Variants in GDA observed in about 807,000 individuals in gnomAD.
GDA encodes the protein guanine deaminase.
In GDA, 18 loss-of-function variants were observed where a neutral mutation model predicts 59.6. That is an observed-to-expected ratio of 0.30 (90% CI 0.21 to 0.45). The LOEUF is 0.45. Ranked by LOEUF, GDA falls within the 20% of genes least tolerant of loss-of-function variation. The pLI is 1.00. For missense variants in GDA, 427 were observed against 552.3 expected (o/e 0.77, Z 2.27); for synonymous variants, 201 against 201.1 (o/e 1.00, Z 0.00).
intron 1 of GDA, among the ~76,000 whole-genome samples, chr9:72,190,349 A>T (rs1436135685): frequency 1.3e-5 from 2 of 152,098 alleles, no homozygotes; most frequent in Non-Finnish European, 2.9e-5. Context: ...CTGGTCTCGA[A>T]TTCCTGACCT....
intron 1 of GDA, among the ~76,000 whole-genome samples, chr9:72,156,418 C>T (rs1242413350): frequency 6.6e-6 from 1 of 152,168 alleles, no homozygotes; most frequent in African/African-American, 2.4e-5. Context: ...CCTCCACTTC[C>T]TGCCAAGCTC....
chr9:72,217,779 T>C (rs1387797691), intron 5 of GDA, among the ~76,000 whole-genome samples: 1 of 152,256 alleles, frequency 6.6e-6, no homozygotes. Flanking sequence ...ATTTTCATTA[T>C]GTTCTTTTTC....
At chr9:72,172,703 A>T (rs1479033770) in intron 1 of GDA, among the ~76,000 whole-genome samples, 1 of 152,232 alleles carries the variant, frequency 6.6e-6, no homozygotes, top group Non-Finnish European at 1.5e-5. Context: ...AATGAGATGG[A>T]GAACACAAAA....
At chr9:72,222,681 G>T (rs1837039444) in intron 6 of GDA, among the ~76,000 whole-genome samples, 1 of 151,684 alleles carries the variant, frequency 6.6e-6, no homozygotes. Flanking sequence ...GTCTTCCAAG[G>T]TTGTTTTTTT....
chr9:72,229,611 G>T (rs1056305206), intron 9 of GDA, among the ~76,000 whole-genome samples: 6 of 152,194 alleles, frequency 3.9e-5, no homozygotes, highest in Admixed American at 2.0e-4. Flanking sequence ...CTCCTGGGCA[G>T]AGTGGAGAAG....
At position 72,250,715 on chromosome 9, in the gene GDA, G is replaced by A. The variant is rs1195427396; in HGVS notation, c.*2373G>A. The A allele has an allele frequency of 3.1e-6, 5 of 1,611,374 alleles. No homozygotes were observed. The highest frequency in any genetic ancestry group is 4.2e-6 in the Non-Finnish European group (5 of 1,179,246). On this transcript the variant is annotated 3_prime_UTR_variant, in exon 14 of 14. Transcript: ENST00000358399. Reference sequence around the variant, plus strand: ...GCACTTTTCCAAGCCAATCTTATTTGTCACTTTTTGTTTTAATATCTTGCT... The same window carrying A: ...GCACTTTTCCAAGCCAATCTTATTTATCACTTTTTGTTTTAATATCTTGCT...
At chr9:72,134,774 G>A (rs569106381) in intron 1 of GDA, among the ~76,000 whole-genome samples, 1 of 152,084 alleles carries the variant, frequency 6.6e-6, no homozygotes, top group Non-Finnish European at 1.5e-5. Flanking sequence ...AAGAAGTTGG[G>A]TAAAAAAGAG....
chr9:72,248,078 A>G (rs879383894), intron 13 of GDA, among the ~76,000 whole-genome samples, 194 bp from the exon 14 acceptor site: 1 of 152,164 alleles, frequency 6.6e-6, no homozygotes, highest in African/African-American at 2.4e-5. Flanking sequence ...GACCCTAATC[A>G]TCAAATTAGC....
intron 1 of GDA, among the ~76,000 whole-genome samples, chr9:72,176,792 C>A (rs1246990624): frequency 6.6e-6 from 1 of 152,128 alleles, no homozygotes; most frequent in Non-Finnish European, 1.5e-5. Context: ...GTAATCTTAA[C>A]TTTTCTCTTC....
At chr9:72,115,413 T>A (rs1750458622) in intron 1 of GDA, among the ~76,000 whole-genome samples, 1 of 152,330 alleles carries the variant, frequency 6.6e-6, no homozygotes, top group East Asian at 1.9e-4. Flanking sequence ...GTTAATTCTG[T>A]GGCACTTACT....
intron 3 of GDA, 58 bp downstream of exon 3, chr9:72,202,800 T>G: frequency 7.9e-7 from 1 of 1,271,248 alleles, no homozygotes; most frequent in East Asian, 2.3e-5. Flanking sequence ...AAATATCAGT[T>G]TCCTAGGACA....
At chr9:72,123,139 G>A (rs1021048129) in intron 1 of GDA, among the ~76,000 whole-genome samples, 6 of 151,122 alleles carry the variant, frequency 4.0e-5, no homozygotes, top group South Asian at 2.1e-4. Flanking sequence ...CCCCATGATC[G>A]AGAATACTTC....
In GDA at chr9:72,204,122, T is replaced by C. The variant is rs560354882; in HGVS notation, c.384+1380T>C. Among the ~76,000 whole-genome samples, 51 of 152,296 alleles carry C rather than the reference T, an allele frequency of 3.3e-4. No individual in the cohort carries two copies. In the South Asian group the frequency reaches 9.5e-3, roughly 28 times the overall value. On this transcript the variant is annotated intron_variant, in intron 3 of 13. Transcript: ENST00000358399. ...GAGCCACCGCGCCCGGCCGAGCAAGTGCTAACATTTATACACTTGCCTCAC... is the reference window on the plus strand; with the variant it reads ...GAGCCACCGCGCCCGGCCGAGCAAGCGCTAACATTTATACACTTGCCTCAC...
intron 12 of GDA, 146 bp downstream of exon 12, chr9:72,245,424 T>A: frequency 1.7e-6 from 1 of 602,472 alleles, no homozygotes; most frequent in Middle Eastern, 4.0e-4. Flanking sequence ...TGATAATTAT[T>A]ATAATTTTAT....
intron 2 of GDA, among the ~76,000 whole-genome samples, chr9:72,200,188 G>A (rs563592665): frequency 6.6e-6 from 1 of 151,796 alleles, no homozygotes; most frequent in Non-Finnish European, 1.5e-5. Flanking sequence ...AGTAGAGATG[G>A]GGTTTCACCG....
intron 9 of GDA, chr9:72,228,955 A>G (rs1006556019): frequency 1.3e-5 from 2 of 152,064 alleles, no homozygotes; most frequent in Non-Finnish European, 2.9e-5. Flanking sequence ...CAAGTGTTGC[A>G]TCTAATTTCA....
chr9:72,213,671 C>T (rs1398151511), intron 4 of GDA, among the ~76,000 whole-genome samples: 19 of 151,612 alleles, frequency 1.3e-4, no homozygotes, highest in East Asian at 3.9e-4. Flanking sequence ...GGCGCGGTGG[C>T]GGGCGCCTGT....
chr9:72,161,202 C>T lies in GDA; in HGVS notation c.123+11520C>T, dbSNP rs527690035. ...GGATTATAGGCGTGAGCCACCGCCC[C>T]GGCCTGTGTCCTACTTTCTACTCAG... is the stretch of plus-strand genomic sequence containing the variant. On this transcript the variant is annotated intron_variant, in intron 1 of 13. Transcript: ENST00000358399. 1.6e-4 allele frequency among the ~76,000 whole-genome samples: 24 copies of T among 152,264 alleles called. 1 individual carries two copies. The highest frequency in any genetic ancestry group is 6.2e-4 in the South Asian group (3 of 4,828).
intron 7 of GDA, among the ~76,000 whole-genome samples, chr9:72,223,567 C>G (rs1837175550): frequency 6.6e-6 from 1 of 152,250 alleles, no homozygotes; most frequent in Non-Finnish European, 1.5e-5. Flanking sequence ...TTATTTCCTA[C>G]TTCTCTTTCA....
Sources: allele counts gnomAD v4.1 joint callset (sites outside exome capture counted in the v4.1 genomes callset), GRCh38; gene constraint gnomAD v4.1.1; transcripts MANE v1.5; gene names NCBI Gene and HGNC (gene_info 2026-07-23, HGNC 2026-07-21).